FAM135B: variants seen among roughly 807,000 people sequenced by gnomAD.
The protein encoded by FAM135B is protein FAM135B.
FAM135B carries 43 observed loss-of-function variants against 127.7 expected under a neutral mutation model. The ratio of observed to expected loss-of-function variants is 0.34; its 90% CI spans 0.26 to 0.43. The LOEUF is 0.43. FAM135B is among the 20% of genes least tolerant of loss of function. The pLI is 1.00. For missense variants in FAM135B, 1,558 were observed against 1,725.6 expected (o/e 0.90, Z 1.72); for synonymous variants, 670 against 665.1 (o/e 1.01, Z -0.11).
At chr8:138,388,691 T>G (rs140415910) in intron 1 of FAM135B, among the ~76,000 whole-genome samples, 8 of 152,144 alleles carry the variant, frequency 5.3e-5, no homozygotes, top group African/African-American at 1.9e-4. Context: ...TTGTAGAAGA[T>G]GAAACAACCT....
At chr8:138,433,609 T>G (rs1325892563) in intron 1 of FAM135B, among the ~76,000 whole-genome samples, 1 of 152,132 alleles carries the variant, frequency 6.6e-6, no homozygotes, top group African/African-American at 2.4e-5. Flanking sequence ...AATCTCTATT[T>G]CATAGTTGAT....
rs1369488257 is a variant in FAM135B at position 138,151,816 on chromosome 8, C to T, written c.2659G>A (p.Ala887Thr). 2 of 1,614,128 alleles carry T rather than the reference C, an allele frequency of 1.2e-6. No individual in the cohort carries two copies. The highest frequency in any genetic ancestry group is 1.7e-6 in the Non-Finnish European group (2 of 1,180,028). ...GATCTGGTCCTGGGGTTTTCAAGTG[C>T]TATGACGCGTGGTATTTTTAAATTA... ...GLNLKIPRVI[A>T]LENPRTRSLH... The change falls in exon 13 of 20, where the codon GCA becomes ACA. Residue 887 changes from alanine (A) to threonine (T), a missense_variant. Transcript: ENST00000395297.
chr8:138,459,335 TAGA>T (rs1836989545), intron 1 of FAM135B: 1 of 152,070 alleles, frequency 6.6e-6, no homozygotes, highest in East Asian at 1.9e-4. Flanking sequence ...AGGCAGAAAC[TAGA>T]AGAAGGCACA....
At chr8:138,272,857 T>G (rs187095509) in intron 3 of FAM135B, among the ~76,000 whole-genome samples, 1 of 152,182 alleles carries the variant, frequency 6.6e-6, no homozygotes, top group African/African-American at 2.4e-5. Context: ...TGTAGGCACA[T>G]AGATTTGAGT....
intron 1 of FAM135B, among the ~76,000 whole-genome samples, chr8:138,442,244 A>C (rs1482484646): frequency 9.6e-6 from 1 of 103,766 alleles, no homozygotes; most frequent in Non-Finnish European, 2.1e-5. Context: ...CACCATATAT[A>C]TATATATATA....
rs201618567 is a variant in FAM135B at position 138,151,300 on chromosome 8, A to T, written c.3175T>A (p.Ser1059Thr). ...GTGATGGGAAACAGGGTCTGTTTGG[A>T]AGAGAATCCAGCCCTGGCAGGGGTC... is the stretch of plus-strand genomic sequence containing the variant. ...KETPARAGFS[S>T]KQTLFPITHQ... The change falls in exon 13 of 20, where the codon TCC (serine) becomes ACC (threonine). Residue 1059 changes from serine to threonine, a missense_variant. Coordinates refer to ENST00000395297, the MANE Select transcript of FAM135B (RefSeq NM_015912.4). 1 of 1,614,028 alleles carries T rather than the reference A, an allele frequency of 6.2e-7. No homozygotes were observed. Among genetic ancestry groups the T allele is most frequent in the East Asian group, 2.2e-5 (1 of 44,878 alleles).
At chr8:138,300,266 T>TA (rs35141807) in intron 3 of FAM135B, among the ~76,000 whole-genome samples, 128,185 of 148,050 alleles carry the variant, frequency 0.87, 56,343 homozygotes, top group Non-Finnish European at 0.96. Flanking sequence ...TGGGAATAAT[T>TA]AAAAAAAAAA....
chr8:138,268,723 T>C (rs1018943418), intron 3 of FAM135B, among the ~76,000 whole-genome samples: 1 of 152,234 alleles, frequency 6.6e-6, no homozygotes, highest in Non-Finnish European at 1.5e-5. Context: ...TCTCTGCCCT[T>C]AAAGACTAAC....
chr8:138,420,071 T>C (rs2131448603), intron 1 of FAM135B, among the ~76,000 whole-genome samples: 1 of 151,570 alleles, frequency 6.6e-6, no homozygotes, highest in East Asian at 1.9e-4. Flanking sequence ...TTTGAAAAAA[T>C]AAGTAATAGT....
At chr8:138,269,847 T>C (rs1823237689) in intron 3 of FAM135B, among the ~76,000 whole-genome samples, 1 of 152,192 alleles carries the variant, frequency 6.6e-6, no homozygotes, top group Non-Finnish European at 1.5e-5. Flanking sequence ...TCCAAACAGA[T>C]TTCTTCATAG....
intron 3 of FAM135B, among the ~76,000 whole-genome samples, chr8:138,281,134 A>G (rs566627931): frequency 2.0e-5 from 3 of 152,224 alleles, no homozygotes; most frequent in Admixed American, 2.0e-4. Flanking sequence ...AAATAGGCAG[A>G]TTGCTCAAGT....
At chr8:138,277,668 G>A (rs1010860597) in intron 3 of FAM135B, among the ~76,000 whole-genome samples, 1 of 152,144 alleles carries the variant, frequency 6.6e-6, no homozygotes, top group Non-Finnish European at 1.5e-5. Flanking sequence ...TCAGGGAGTA[G>A]GGCCTTGAGA....
intron 2 of FAM135B, among the ~76,000 whole-genome samples, chr8:138,330,630 T>A (rs1828100305): frequency 6.6e-6 from 1 of 151,950 alleles, no homozygotes. Flanking sequence ...ATGAAGGAAG[T>A]CAACTCACAG....
intron 2 of FAM135B, among the ~76,000 whole-genome samples, chr8:138,357,017 T>C (rs1830132158): frequency 6.6e-6 from 1 of 152,134 alleles, no homozygotes; most frequent in Non-Finnish European, 1.5e-5. Flanking sequence ...CCTTGTTCAA[T>C]GATAGAAGAG....
At chr8:138,416,769 A>AATC (rs2131431863) in intron 1 of FAM135B, among the ~76,000 whole-genome samples, 1 of 152,198 alleles carries the variant, frequency 6.6e-6, no homozygotes, top group African/African-American at 2.4e-5. Context: ...AGCACACTCC[A>AATC]AACAGATCTC....
chr8:138,492,982 G>A (rs1420119725), intron 1 of FAM135B, among the ~76,000 whole-genome samples: 2 of 152,098 alleles, frequency 1.3e-5, no homozygotes, highest in South Asian at 2.1e-4. Context: ...ACGCAGGGCA[G>A]GCTACTTATG....
intron 1 of FAM135B, among the ~76,000 whole-genome samples, chr8:138,377,650 T>A (rs74340639): frequency 6.6e-6 from 1 of 152,124 alleles, no homozygotes; most frequent in Admixed American, 6.5e-5. Context: ...CTAATAACAA[T>A]GAAATTTCAA....
At chr8:138,313,363 C>A (rs1826837897) in intron 2 of FAM135B, among the ~76,000 whole-genome samples, 1 of 152,144 alleles carries the variant, frequency 6.6e-6, no homozygotes, top group African/African-American at 2.4e-5. Context: ...AACTCCTGAC[C>A]TCAGGCAATC....
intron 7 of FAM135B, among the ~76,000 whole-genome samples, chr8:138,203,417 G>A (rs758804644): frequency 2.0e-5 from 3 of 152,168 alleles, no homozygotes; most frequent in Non-Finnish European, 4.4e-5. Context: ...CTGTCAGAAC[G>A]TCTTGATGGT....
Sources: gnomAD v4.1 joint callset for allele counts (sites outside exome capture counted in the v4.1 genomes callset) on GRCh38, gnomAD v4.1.1 for gene constraint, MANE v1.5 for transcripts, NCBI Gene and HGNC (gene_info 2026-07-23, HGNC 2026-07-21) for gene names.